Variants in SNTG2 observed in about 807,000 individuals in gnomAD.
SNTG2 encodes the protein gamma-2-syntrophin.
A neutral mutation model predicts 70.9 loss-of-function variants in SNTG2; 74 were observed. The observed-to-expected ratio is 1.04, with a 90% confidence interval of 0.86 to 1.27. The LOEUF (loss-of-function observed/expected upper bound fraction) is 1.27, where lower values mean the gene tolerates loss of function less well. SNTG2 is among the 50% of genes most tolerant of loss of function. The pLI is 0.00. For synonymous variants in SNTG2, 278 were observed against 273.8 expected (o/e 1.02, Z -0.15); for missense variants, 717 against 690.7 (o/e 1.04, Z -0.43).
intron 4 of SNTG2, chr2:1,102,407 T>G (rs1236620446): frequency 6.6e-6 from 1 of 152,076 alleles, no homozygotes; most frequent in Non-Finnish European, 1.5e-5. Flanking sequence ...CCTTCTGGGA[T>G]TTTGGTGAAT....
At chr2:1,065,469 T>C (rs191906655) in intron 1 of SNTG2, among the ~76,000 whole-genome samples, 1 of 152,170 alleles carries the variant, frequency 6.6e-6, no homozygotes, top group Admixed American at 6.5e-5. Flanking sequence ...TTGGATGAGG[T>C]CAAACGAGTA....
chr2:973,173 G>A (rs1011235889), intron 1 of SNTG2, among the ~76,000 whole-genome samples: 3 of 151,972 alleles, frequency 2.0e-5, no homozygotes, highest in African/African-American at 4.8e-5. Flanking sequence ...TATTTAATCC[G>A]TATTTCTGTC....
intron 15 of SNTG2, among the ~76,000 whole-genome samples, chr2:1,316,026 G>T (rs1681260425): frequency 6.6e-6 from 1 of 152,150 alleles, no homozygotes; most frequent in African/African-American, 2.4e-5. Flanking sequence ...CAAGACATGT[G>T]GGGCAGCTAC....
At chr2:1,067,216 A>G (rs902339925) in intron 1 of SNTG2, among the ~76,000 whole-genome samples, 18 of 152,342 alleles carry the variant, frequency 1.2e-4, no homozygotes, top group African/African-American at 4.3e-4. Flanking sequence ...TTCCAGTATC[A>G]AATGGCAAAT....
chr2:1,178,225 A>G (rs1206138591), intron 8 of SNTG2, among the ~76,000 whole-genome samples: 1 of 152,144 alleles, frequency 6.6e-6, no homozygotes, highest in African/African-American at 2.4e-5. Context: ...GGTTTTCTAG[A>G]TATACAATCC....
At chr2:1,293,318 T>G (rs1680066431) in intron 14 of SNTG2, among the ~76,000 whole-genome samples, 1 of 152,094 alleles carries the variant, frequency 6.6e-6, no homozygotes, top group Non-Finnish European at 1.5e-5. Context: ...TTGCATCCAT[T>G]GATTTTCTAT....
At position 1,230,915 on chromosome 2, in the gene SNTG2, C is replaced by T. The variant is rs143230083; in HGVS notation, c.720-6973C>T. The stretch of plus-strand genomic sequence containing the variant: ...CAGTGCCTCTTCCGTAGGGTCACTG[C>T]GAGGGTGAAATAGATCCGAAACGTA... On this transcript the variant is annotated intron_variant, in intron 9 of 16. Coordinates refer to ENST00000308624, the MANE Select transcript of SNTG2 (RefSeq NM_018968.4). 2.9e-3 allele frequency among the ~76,000 whole-genome samples: 434 copies of T among 151,892 alleles called. 1 individual carries two copies. Among genetic ancestry groups the T allele is most frequent in the Non-Finnish European group, 4.4e-3 (298 of 67,976 alleles).
At chr2:1,273,769 A>G (rs1356118060) in intron 14 of SNTG2, among the ~76,000 whole-genome samples, 4 of 151,980 alleles carry the variant, frequency 2.6e-5, no homozygotes, top group African/African-American at 9.7e-5. Context: ...TCTCAGATAC[A>G]AAACCAGAAG....
At chr2:1,282,864 G>A (rs1478082970) in intron 14 of SNTG2, among the ~76,000 whole-genome samples, 1 of 152,164 alleles carries the variant, frequency 6.6e-6, no homozygotes, top group East Asian at 1.9e-4. Flanking sequence ...CAACACGTCG[G>A]CCTACGAAAG....
chr2:1,109,578 C>T (rs570138688), intron 4 of SNTG2, among the ~76,000 whole-genome samples: 14 of 152,244 alleles, frequency 9.2e-5, no homozygotes, highest in African/African-American at 2.4e-4. Context: ...AGTTTTACTC[C>T]GCTAACAAGG....
At chr2:1,200,242 A>G (rs77732152) in intron 8 of SNTG2, among the ~76,000 whole-genome samples, 3,512 of 152,100 alleles carry the variant, frequency 0.023, 147 homozygotes, top group African/African-American at 0.08. Flanking sequence ...ATTTTTGACA[A>G]AGATACCAAG....
At chr2:975,552 A>G (rs1360429763) in intron 1 of SNTG2, among the ~76,000 whole-genome samples, 1 of 152,256 alleles carries the variant, frequency 6.6e-6, no homozygotes, top group Non-Finnish European at 1.5e-5. Flanking sequence ...CTAAAGATTA[A>G]TTAAGGAATA....
rs1371342639 is a variant in SNTG2, at chr2:1,338,599, G to A, written c.1488+22224G>A. Among the ~76,000 whole-genome samples, 7 of 152,164 alleles carry A rather than the reference G, an allele frequency of 4.6e-5. No homozygotes were observed. In the East Asian group the frequency reaches 1.4e-3, roughly 29 times the overall value. On this transcript the variant is annotated intron_variant, in intron 16 of 16. Coordinates refer to ENST00000308624, the MANE Select transcript of SNTG2 (RefSeq NM_018968.4). ...CTCTATGAATTTGCTTTTTCTAGGT[G>A]CCTCATAGAAGTGCAATAGTAGAAT...
At chr2:1,327,665 A>G (rs1314885356) in intron 16 of SNTG2, among the ~76,000 whole-genome samples, 1 of 152,208 alleles carries the variant, frequency 6.6e-6, no homozygotes, top group Non-Finnish European at 1.5e-5. Context: ...TTATGCAGGT[A>G]TCGTAAAAGC....
At chr2:1,160,178 C>T (rs563056787) in intron 6 of SNTG2, 12 of 152,284 alleles carry the variant, frequency 7.9e-5, no homozygotes, top group South Asian at 4.1e-4. Context: ...CACATCTACA[C>T]GTGTGGCTGC....
chr2:1,053,438 C>A (rs1267869749), intron 1 of SNTG2, among the ~76,000 whole-genome samples: 1 of 151,770 alleles, frequency 6.6e-6, no homozygotes, highest in Non-Finnish European at 1.5e-5. Context: ...AGGATGTGTT[C>A]TGGTGTTGAC....
chr2:1,259,089 C>G (rs1216855362), intron 12 of SNTG2, among the ~76,000 whole-genome samples: 1 of 152,132 alleles, frequency 6.6e-6, no homozygotes, highest in Non-Finnish European at 1.5e-5. Context: ...GACAAGATAT[C>G]ATAGATATCA....
chr2:1,260,767 T>C (rs1678370562), intron 13 of SNTG2, among the ~76,000 whole-genome samples: 1 of 147,712 alleles, frequency 6.8e-6, no homozygotes, highest in Admixed American at 6.8e-5. Flanking sequence ...ATTTCATCCA[T>C]CACATTTCCA....
chr2:1,260,071 T>G (rs1420551359), intron 13 of SNTG2, among the ~76,000 whole-genome samples: 1 of 152,250 alleles, frequency 6.6e-6, no homozygotes, highest in Non-Finnish European at 1.5e-5. Context: ...TGTGTCTTTT[T>G]CATGTAGGAG....
Sources: allele counts gnomAD v4.1 joint callset (sites outside exome capture counted in the v4.1 genomes callset), GRCh38; gene constraint gnomAD v4.1.1; transcripts MANE v1.5; gene names NCBI Gene and HGNC (gene_info 2026-07-23, HGNC 2026-07-21).